The following TAFA2 variants were observed in gnomAD, a reference collection of about 807,000 sequenced individuals.
TAFA2 encodes chemokine-like protein TAFA-2.
TAFA2 carries 7 observed loss-of-function variants against 18.8 expected under a neutral mutation model. That is an observed-to-expected ratio of 0.37 (90% CI 0.21 to 0.70). TAFA2 has a LOEUF of 0.70. Among genes scored for constraint, TAFA2 ranks in the 30% least tolerant of loss-of-function variants. TAFA2 has a pLI of 0.53. For synonymous variants in TAFA2, 60 were observed against 54.2 expected (o/e 1.11, Z -0.47); for missense variants, 122 against 158.1 (o/e 0.77, Z 1.23).
chr12:61,799,865 G>T (rs1871338527), intron 2 of TAFA2, among the ~76,000 whole-genome samples: 1 of 152,070 alleles, frequency 6.6e-6, no homozygotes, highest in Non-Finnish European at 1.5e-5. Context: ...GACAAACTAA[G>T]GATCCAGAAG....
At chr12:61,976,276 G>A (rs1303077076) in intron 1 of TAFA2, among the ~76,000 whole-genome samples, 1 of 151,794 alleles carries the variant, frequency 6.6e-6, no homozygotes, top group Non-Finnish European at 1.5e-5. Context: ...GTTGTTATAA[G>A]ACACTCCTAC....
upstream of TAFA2, among the ~76,000 whole-genome samples, chr12:62,195,130 T>C (rs1320949286): frequency 6.6e-6 from 1 of 152,220 alleles, no homozygotes; most frequent in Non-Finnish European, 1.5e-5. Flanking sequence ...GCTGTGTCAA[T>C]TGACTCTTCC....
At position 62,067,068 on chromosome 12, in the gene TAFA2, T is replaced by A. The variant is rs371305456; in HGVS notation, c.-2+124191A>T. Among the ~76,000 whole-genome samples the A allele has an allele frequency of 2.0e-4, 30 of 152,284 alleles. No homozygotes were observed. In the East Asian group the frequency reaches 5.8e-3, roughly 29 times the overall value. On this transcript the variant is annotated intron_variant, in intron 1 of 4. Transcript: ENST00000416284. ...TATGCATTTATCTGAAGATCAGTGA[T>A]GTTGAGCACCTTTTCATATGCCTGT...
chr12:62,042,335 A>G (rs1411226305), intron 1 of TAFA2, among the ~76,000 whole-genome samples: 1 of 151,910 alleles, frequency 6.6e-6, no homozygotes, highest in African/African-American at 2.4e-5. Context: ...TTGGCTGCTA[A>G]TCCAGTTCAG....
chr12:61,854,521 G>T (rs952443679), intron 2 of TAFA2, among the ~76,000 whole-genome samples: 1 of 151,766 alleles, frequency 6.6e-6, no homozygotes, highest in Non-Finnish European at 1.5e-5. Context: ...AGTTCATAAT[G>T]GATCTTCACC....
chr12:62,199,361 C>T (rs780036616), intron 1 of TAFA2, among the ~76,000 whole-genome samples: 3 of 152,184 alleles, frequency 2.0e-5, no homozygotes, highest in Non-Finnish European at 4.4e-5. Flanking sequence ...CCTCCCCACA[C>T]CCTGCCAACG....
intron 1 of TAFA2, among the ~76,000 whole-genome samples, chr12:61,894,851 A>C (rs1021247340): frequency 7.2e-5 from 11 of 152,194 alleles, no homozygotes; most frequent in Non-Finnish European, 1.6e-4. Flanking sequence ...CTGCTTTTAG[A>C]ACTGATAAAA....
intron 1 of TAFA2, among the ~76,000 whole-genome samples, chr12:62,220,161 G>A (rs1015543241): frequency 6.6e-6 from 1 of 151,676 alleles, no homozygotes; most frequent in Non-Finnish European, 1.5e-5. Context: ...CAAAGTAAAA[G>A]TCAAATGAAA....
intron 2 of TAFA2, among the ~76,000 whole-genome samples, chr12:61,803,969 C>A (rs1871505774): frequency 6.6e-6 from 1 of 151,930 alleles, no homozygotes; most frequent in Non-Finnish European, 1.5e-5. Context: ...ATGTTAATGC[C>A]TTTAACATTC....
chr12:62,048,131 G>A (rs910345328), intron 1 of TAFA2, among the ~76,000 whole-genome samples: 2 of 152,190 alleles, frequency 1.3e-5, no homozygotes, highest in African/African-American at 4.8e-5. Flanking sequence ...ATTTGTATTA[G>A]TCTGTTTTCA....
rs12296136 is a variant in TAFA2 at position 62,235,648 on chromosome 12, C to G, written c.-130+23115G>C. On this transcript the variant is annotated intron_variant, in intron 1 of 5. Coordinates refer to the TAFA2 transcript ENST00000551619. ...TCTTCCTTTATTCCTTTGTTACTGT[C>G]TTCCTCAGTGGTTAAATGAGTTTCT... 1,542 of 214,582 alleles carry G rather than the reference C, an allele frequency of 7.2e-3. 28 individuals are homozygous for G. The highest frequency in any genetic ancestry group is 0.033 in the African/African-American group (1,444 of 43,620). 13.3% of individuals were successfully genotyped at this position (214,582 alleles called of 1,614,324 possible).
At chr12:62,014,036 ATATCT>A (rs1437073881) in intron 1 of TAFA2, among the ~76,000 whole-genome samples, 1 of 152,208 alleles carries the variant, frequency 6.6e-6, no homozygotes, top group African/African-American at 2.4e-5. Flanking sequence ...CTGTTGACTG[ATATCT>A]TAGTGAACTA....
chr12:62,185,603 T>A (rs2062580721), intron 1 of TAFA2, among the ~76,000 whole-genome samples: 1 of 152,184 alleles, frequency 6.6e-6, no homozygotes, highest in Non-Finnish European at 1.5e-5. Flanking sequence ...AAGAAAGAAA[T>A]GGTAACAGTA....
At chr12:62,178,736 G>T (rs974606019) in intron 1 of TAFA2, among the ~76,000 whole-genome samples, 5 of 152,190 alleles carry the variant, frequency 3.3e-5, no homozygotes, top group African/African-American at 1.2e-4. Context: ...GCTACAAGAA[G>T]ATCTGCCCTT....
intron 1 of TAFA2, among the ~76,000 whole-genome samples, chr12:62,213,505 T>C (rs1189369907): frequency 1.3e-5 from 2 of 151,980 alleles, no homozygotes; most frequent in African/African-American, 4.8e-5. Context: ...TAGCTGGGCA[T>C]GGTGGCGCGT....
At chr12:61,862,783 C>A (rs1402684912) in intron 2 of TAFA2, among the ~76,000 whole-genome samples, 1 of 152,196 alleles carries the variant, frequency 6.6e-6, no homozygotes, top group Non-Finnish European at 1.5e-5. Context: ...GCTGACTCTA[C>A]TGGAAACTTT....
intron 1 of TAFA2, among the ~76,000 whole-genome samples, chr12:61,976,299 A>G (rs765931659): frequency 1.4e-4 from 21 of 152,024 alleles, no homozygotes; most frequent in African/African-American, 5.1e-4. Context: ...ACATGATAGA[A>G]CCTGTCACCA....
intron 1 of TAFA2, among the ~76,000 whole-genome samples, chr12:61,909,350 G>A (rs996128579): frequency 6.6e-6 from 1 of 152,124 alleles, no homozygotes; most frequent in African/African-American, 2.4e-5. Context: ...GCAGGACATC[G>A]CATATAAGGC....
chr12:61,769,848 A>G (rs968130707), intron 2 of TAFA2, among the ~76,000 whole-genome samples: 1 of 152,132 alleles, frequency 6.6e-6, no homozygotes, highest in African/African-American at 2.4e-5. Flanking sequence ...CACCCCCAAA[A>G]GATCACAGTA....
Sources: allele counts gnomAD v4.1 joint callset (sites outside exome capture counted in the v4.1 genomes callset), GRCh38; gene constraint gnomAD v4.1.1; transcripts MANE v1.5; gene names NCBI Gene and HGNC (gene_info 2026-07-23, HGNC 2026-07-21).